Variants in VIPR1 observed in about 807,000 individuals in gnomAD.
VIPR1 encodes the protein vasoactive intestinal peptide receptor 1.
Under a neutral mutation model 58.8 loss-of-function variants are expected in VIPR1, and 59 were observed. The observed-to-expected ratio is 1.00, with a 90% CI of 0.81 to 1.25. VIPR1 has a LOEUF of 1.25. Among genes scored for constraint, VIPR1 ranks in the 50% most tolerant of loss-of-function variants. The pLI is 0.00. For missense variants in VIPR1, 626 were observed against 602.7 expected (o/e 1.04, Z -0.40); for synonymous variants, 251 against 242.1 (o/e 1.04, Z -0.34).
chr3:42,513,578 A>G, intron 1 of VIPR1, 171 bp from the exon 2 acceptor site: 1 of 636,796 alleles, frequency 1.6e-6, no homozygotes, highest in Non-Finnish European at 2.7e-6. Flanking sequence ...GTTTGGGGGC[A>G]ATGGACAACA....
rs1230591534 is a variant in VIPR1, at chr3:42,530,736, T to C, written c.637-43T>C. 7 of 1,606,578 alleles carry C rather than the reference T, an allele frequency of 4.4e-6. No homozygotes were observed. The South Asian group carries it at 6.7e-5, about 15-fold the overall frequency. On this transcript the variant is annotated intron_variant, in intron 6 of 12. Transcript: ENST00000325123. The stretch of plus-strand genomic sequence containing the variant: ...CACGAGTGTGGGCAGTCAAGGACCC[T>C]TGACAGCCCCAGTGAACCCCGTCTT...
intron 4 of VIPR1, 72 bp downstream of exon 4, chr3:42,526,065 C>T: frequency 7.1e-7 from 1 of 1,407,596 alleles, no homozygotes; most frequent in Non-Finnish European, 9.8e-7. Flanking sequence ...ATCTCTCCCA[C>T]CGAGGGGTGT....
In VIPR1 at chr3:42,531,795, C is replaced by A. The variant is rs1701570514; in HGVS notation, c.852-8C>A. The stretch of plus-strand genomic sequence containing the variant: ...AATCCCTCTCATTCCTCCCCACGGT[C>A]TGCTCAGGTGCTGGGACACCATCAA... On this transcript the variant is annotated splice_region_variant and splice_polypyrimidine_tract_variant and intron_variant, in intron 8 of 12. Transcript: ENST00000325123. 6.2e-7 allele frequency: 1 copy of A among 1,614,166 alleles called. No homozygotes were observed.
intron 2 of VIPR1, among the ~76,000 whole-genome samples, 182 bp from the exon 3 acceptor site, chr3:42,519,041 C>CTG (rs112964476): frequency 6.6e-6 from 1 of 152,240 alleles, no homozygotes; most frequent in African/African-American, 2.4e-5. Context: ...TCCTTCCTGC[C>CTG]TCCCTGTCAG....
upstream of VIPR1, among the ~76,000 whole-genome samples, chr3:42,501,622 T>A (rs778008878): frequency 2.6e-5 from 4 of 152,090 alleles, no homozygotes; most frequent in Non-Finnish European, 4.4e-5. The surrounding 1 kb of genome is among the most constrained non-coding windows in gnomAD (Gnocchi z 4.8). Flanking sequence ...CAGGGACGAA[T>A]AAACGAGAAA....
intron 1 of VIPR1, chr3:42,512,093 T>G (rs948265925): frequency 2.0e-5 from 3 of 152,222 alleles, no homozygotes; most frequent in African/African-American, 7.2e-5. Flanking sequence ...CTGGTAAAGG[T>G]GCAAGATGGA....
At chr3:42,527,819 G>C in intron 5 of VIPR1, 172 bp from the exon 6 acceptor site, 2 of 960,020 alleles carry the variant, frequency 2.1e-6, no homozygotes, top group South Asian at 3.2e-5. Flanking sequence ...AGGTGGATGG[G>C]GTACCTGGGG....
intron 4 of VIPR1, 142 bp downstream of exon 4, chr3:42,526,135 G>C: frequency 1.2e-6 from 1 of 801,030 alleles, no homozygotes; most frequent in Non-Finnish European, 2.0e-6. Flanking sequence ...CCTCCTCCAG[G>C]CCTGCCTTTC....
At chr3:42,490,448 G>A (rs1223247671) in intron 1 of VIPR1, among the ~76,000 whole-genome samples, 2 of 152,228 alleles carry the variant, frequency 1.3e-5, no homozygotes, top group Non-Finnish European at 2.9e-5. Flanking sequence ...TAAAGAGGAG[G>A]CGAGAGAGGC....
In VIPR1 at chr3:42,525,892, A is replaced by C. The variant is rs1701204078; in HGVS notation, c.298A>C (p.Asn100His). The change falls in exon 4 of 13, where the codon AAT becomes CAT. Residue 100 changes from asparagine to histidine, a missense_variant. Physicochemically the swap from Asn to His is moderately conservative, Grantham distance 68. Coordinates refer to ENST00000325123, the MANE Select transcript of VIPR1 (RefSeq NM_004624.4). ...TGCCCCTGCCCTCCACCCAGGCCGC[A>C]ATGTAAGCCGCAGCTGCACCGACGA... ...FKLFSSIQGR[N>H]VSRSCTDEGW... 6.2e-7 allele frequency: 1 copy of C among 1,609,956 alleles called. No homozygotes were observed. The highest frequency in any genetic ancestry group is 8.5e-7 in the Non-Finnish European group (1 of 1,178,414).
chr3:42,497,784 G>GC (rs1699794641), upstream of VIPR1, among the ~76,000 whole-genome samples: 1 of 152,068 alleles, frequency 6.6e-6, no homozygotes, highest in African/African-American at 2.4e-5. Context: ...CTTTTTGCCT[G>GC]CCTTCTGCCT....
intron 3 of VIPR1, among the ~76,000 whole-genome samples, chr3:42,520,203 G>C (rs1700841605): frequency 1.3e-5 from 2 of 152,176 alleles, no homozygotes; most frequent in Non-Finnish European, 2.9e-5. Flanking sequence ...GAAGTTCCGT[G>C]AAGGCCAGTG....
At chr3:42,504,806 A>G (rs927993214) in intron 1 of VIPR1, among the ~76,000 whole-genome samples, 1 of 149,992 alleles carries the variant, frequency 6.7e-6, no homozygotes, top group Non-Finnish European at 1.5e-5. Context: ...ATAAAATGGC[A>G]GCTGCAAAGT....
At chr3:42,505,338 G>A (rs1040703544) in intron 1 of VIPR1, among the ~76,000 whole-genome samples, 1 of 152,238 alleles carries the variant, frequency 6.6e-6, no homozygotes, top group African/African-American at 2.4e-5. Context: ...GCCCCCAGAA[G>A]GAGGAGTCCC....
intron 10 of VIPR1, chr3:42,532,915 G>A (rs139316247): frequency 8.9e-4 from 140 of 158,162 alleles, no homozygotes; most frequent in African/African-American, 3.1e-3. Flanking sequence ...TCTCCTTGAG[G>A]GTTTTGGAGC....
At chr3:42,499,613 G>A (rs1437755680), upstream of VIPR1, among the ~76,000 whole-genome samples, 1 of 152,206 alleles carries the variant, frequency 6.6e-6, no homozygotes, top group Non-Finnish European at 1.5e-5. Flanking sequence ...GAAGGACATG[G>A]GGGAACAGAG....
chr3:42,513,989 G>A lies in VIPR1; in HGVS notation c.184+135G>A, dbSNP rs1387088542. 6.9e-6 allele frequency: 7 copies of A among 1,017,240 alleles called. No individual in the cohort carries two copies. The Admixed American group carries it at 1.5e-4, about 21-fold the overall frequency. 63.0% of individuals were successfully genotyped at this position (1,017,240 alleles called of 1,614,324 possible). ...GTGAGGAGCGGCTGGGGAGCCAGAT[G>A]GAAGAAGAAAGGGGCTAACAGGCTT... On this transcript the variant is annotated intron_variant, in intron 2 of 12. Coordinates refer to ENST00000325123, the MANE Select transcript of VIPR1 (RefSeq NM_004624.4).
Position 42,536,239 on chromosome 3 carries a change from C to T in VIPR1, c.1332C>T (p.Ala444=), listed in dbSNP as rs1386643226. ...VSMLTRVSPG[A]RRSSSFQAEV... is the part of the protein sequence containing the mutation. ...TGCTGACCCGCGTCAGCCCAGGTGC[C>T]CGCCGCTCCTCCAGCTTCCAAGCCG... The change falls in exon 13 of 13, where the codon GCC becomes GCT. Residue 444 remains alanine (A), a synonymous_variant. Transcript: ENST00000325123. 1.3e-6 allele frequency: 2 copies of T among 1,585,284 alleles called. No homozygotes were observed. Among genetic ancestry groups the T allele is most frequent in the African/African-American group, 2.7e-5 (2 of 74,460 alleles).
At chr3:42,508,459 C>T (rs564585046) in intron 1 of VIPR1, among the ~76,000 whole-genome samples, 109 of 152,192 alleles carry the variant, frequency 7.2e-4, no homozygotes, top group African/African-American at 1.9e-3. Flanking sequence ...TCACATGCTG[C>T]GCTGGGACTT....
Sources: gnomAD v4.1 joint callset for allele counts (sites outside exome capture counted in the v4.1 genomes callset) on GRCh38, gnomAD v4.1.1 for gene constraint, Gnocchi (gnomAD v3.1) non-coding constraint, MANE v1.5 for transcripts, NCBI Gene and HGNC (gene_info 2026-07-23, HGNC 2026-07-21) for gene names.